NELL1: variants seen among roughly 807,000 people sequenced by gnomAD.
NELL1 encodes protein kinase C-binding protein NELL1.
NELL1 carries 76 observed loss-of-function variants against 107.4 expected under a neutral mutation model. The observed-to-expected ratio is 0.71, with a 90% CI of 0.59 to 0.86. The LOEUF (loss-of-function observed/expected upper bound fraction) is 0.86. Among genes scored for constraint, NELL1 ranks in the 40% least tolerant of loss-of-function variants. NELL1 has a pLI of 0.00. For missense variants in NELL1, 1,024 were observed against 1,005.5 expected (o/e 1.02, Z -0.25); for synonymous variants, 353 against 341.2 (o/e 1.03, Z -0.38).
At chr11:21,241,986 G>A (rs1377619066) in intron 14 of NELL1, among the ~76,000 whole-genome samples, 8 of 144,464 alleles carry the variant, frequency 5.5e-5, no homozygotes, top group Admixed American at 5.1e-4. Flanking sequence ...ACCTTGTCCT[G>A]TGAGAATAAA....
At chr11:21,426,422 A>G (rs530554039) in intron 15 of NELL1, among the ~76,000 whole-genome samples, 3 of 152,358 alleles carry the variant, frequency 2.0e-5, no homozygotes, top group African/African-American at 7.2e-5. Flanking sequence ...TAGGACTTTT[A>G]TGAGCATCAT....
In NELL1 at chr11:20,670,091, C is replaced by A. The variant is rs74316871; in HGVS notation, c.55+313C>A. Among the ~76,000 whole-genome samples the A allele has an allele frequency of 9.1e-3, 1,389 of 152,240 alleles. 21 individuals are homozygous for A. The highest frequency in any genetic ancestry group is 0.014 in the Non-Finnish European group (968 of 68,016). ...CTTTCCGTCCCAGGGAGTCGAAACC[C>A]GCAGCAGGGCGGGCCCGCGTGCCCC... On this transcript the variant is annotated intron_variant, in intron 1 of 19. Coordinates refer to ENST00000357134, the MANE Select transcript of NELL1 (RefSeq NM_006157.5).
chr11:20,700,724 G>T (rs1423031234), intron 2 of NELL1, among the ~76,000 whole-genome samples: 1 of 151,224 alleles, frequency 6.6e-6, no homozygotes, highest in Non-Finnish European at 1.5e-5. Context: ...TGCTCTCATT[G>T]TTCAATTCCC....
intron 2 of NELL1, among the ~76,000 whole-genome samples, chr11:20,715,516 G>A (rs1855229154): frequency 6.6e-6 from 1 of 152,070 alleles, no homozygotes; most frequent in Admixed American, 6.6e-5. Context: ...TGGAGCCTGT[G>A]GCTTAGACTC....
At chr11:21,220,538 T>C (rs1857729298) in intron 13 of NELL1, among the ~76,000 whole-genome samples, 1 of 152,164 alleles carries the variant, frequency 6.6e-6, no homozygotes, top group African/African-American at 2.4e-5. Flanking sequence ...GTGTGTCCTC[T>C]TTAGTTTCTT....
At chr11:20,938,940 C>CTCTCTCTCTCTCTCTG (rs1216133538) in intron 10 of NELL1, among the ~76,000 whole-genome samples, 1 of 57,298 alleles carries the variant, frequency 1.7e-5, no homozygotes, top group African/African-American at 4.4e-5. Flanking sequence ...CTCTCTCTCT[C>CTCTCTCTCTCTCTCTG]TGTGTGTGTG....
chr11:20,740,803 T>C (rs11828439), intron 2 of NELL1, among the ~76,000 whole-genome samples: 5,556 of 152,190 alleles, frequency 0.037, 332 homozygotes, highest in African/African-American at 0.13. Context: ...TAATTTTATT[T>C]TTTGTAGAGA....
intron 15 of NELL1, among the ~76,000 whole-genome samples, chr11:21,422,093 A>ATG (rs1491095899): frequency 0.046 from 4,219 of 90,738 alleles, 196 homozygotes; most frequent in African/African-American, 0.14. Context: ...ACATTTACAC[A>ATG]TATGTGTGTG....
intron 14 of NELL1, among the ~76,000 whole-genome samples, chr11:21,359,571 T>G (rs773286621): frequency 6.6e-6 from 1 of 152,138 alleles, no homozygotes; most frequent in Non-Finnish European, 1.5e-5. Context: ...TTCAGTGAGA[T>G]TGGTACCAAT....
chr11:21,405,839 C>A (rs556881402), intron 15 of NELL1, among the ~76,000 whole-genome samples: 3 of 152,104 alleles, frequency 2.0e-5, no homozygotes, highest in African/African-American at 7.2e-5. Context: ...TCTTTGCAAG[C>A]CTGCCCCTTG....
intron 13 of NELL1, among the ~76,000 whole-genome samples, chr11:21,142,068 C>G (rs1443029839): frequency 6.6e-6 from 1 of 152,054 alleles, no homozygotes; most frequent in African/African-American, 2.4e-5. Context: ...CTGGCCTCTC[C>G]TTTTTATTTC....
At chr11:21,054,129 C>T (rs1417923983) in intron 12 of NELL1, among the ~76,000 whole-genome samples, 2 of 152,178 alleles carry the variant, frequency 1.3e-5, no homozygotes, top group East Asian at 3.9e-4. Flanking sequence ...CCATAGTTAA[C>T]ATTTTGATTT....
At chr11:21,368,446 C>A (rs559124743) in intron 14 of NELL1, among the ~76,000 whole-genome samples, 10 of 151,608 alleles carry the variant, frequency 6.6e-5, no homozygotes, top group Non-Finnish European at 1.3e-4. Context: ...TTGTGAACAC[C>A]GGATTGTAGA....
chr11:21,393,932 G>A (rs1039769011), intron 15 of NELL1, among the ~76,000 whole-genome samples: 1 of 151,642 alleles, frequency 6.6e-6, no homozygotes, highest in Non-Finnish European at 1.5e-5. Context: ...TATTGGAAGA[G>A]CTTCTTTAAT....
intron 14 of NELL1, among the ~76,000 whole-genome samples, chr11:21,243,571 A>G (rs1326789480): frequency 6.6e-6 from 1 of 152,176 alleles, no homozygotes; most frequent in Non-Finnish European, 1.5e-5. Context: ...ATCTTTACCA[A>G]AACAAAGCAA....
chr11:21,175,811 C>G (rs1336570985), intron 13 of NELL1, among the ~76,000 whole-genome samples: 1 of 151,874 alleles, frequency 6.6e-6, no homozygotes, highest in Non-Finnish European at 1.5e-5. Flanking sequence ...TACCTCCTAT[C>G]TGAGATGAGT....
intron 13 of NELL1, among the ~76,000 whole-genome samples, chr11:21,133,337 T>G (rs1855667258): frequency 6.6e-6 from 1 of 152,138 alleles, no homozygotes; most frequent in South Asian, 2.1e-4. Flanking sequence ...TTCATTCCAG[T>G]TGGCAGAACT....
intron 10 of NELL1, among the ~76,000 whole-genome samples, chr11:20,942,061 A>G (rs1283783435): frequency 6.6e-6 from 1 of 152,176 alleles, no homozygotes; most frequent in African/African-American, 2.4e-5. Context: ...CCTCTTGGAA[A>G]AAAGACAGGA....
At chr11:20,885,586 C>T (rs1446077308) in intron 5 of NELL1, 46 bp downstream of exon 5, 1 of 1,162,184 alleles carries the variant, frequency 8.6e-7, no homozygotes, top group Admixed American at 1.7e-5. Context: ...ATAGGCGATG[C>T]TCAGTTTTCT....
Sources: allele counts gnomAD v4.1 joint callset (sites outside exome capture counted in the v4.1 genomes callset), GRCh38; gene constraint gnomAD v4.1.1; transcripts MANE v1.5; gene names NCBI Gene and HGNC (gene_info 2026-07-23, HGNC 2026-07-21).